DSCAML1: variants seen among roughly 807,000 people sequenced by gnomAD.
DSCAML1 encodes the protein DS cell adhesion molecule like 1, also known as cell adhesion molecule DSCAML1.
Under a neutral mutation model 200.5 loss-of-function variants are expected in DSCAML1, and 38 were observed. That is an observed-to-expected ratio of 0.19 (90% CI 0.15 to 0.25). The LOEUF (loss-of-function observed/expected upper bound fraction) is 0.25. Among genes scored for constraint, DSCAML1 ranks in the 10% least tolerant of loss-of-function variants. The pLI, the probability that DSCAML1 is intolerant of heterozygous loss-of-function variation, is 1.00. For synonymous variants in DSCAML1, 1,215 were observed against 1,165.0 expected (o/e 1.04, Z -0.87); for missense variants, 2,223 against 2,858.8 (o/e 0.78, Z 5.07).
At chr11:117,431,499 A>T in intron 31 of DSCAML1, 35 bp downstream of exon 31, 2 of 1,496,126 alleles carry the variant, frequency 1.3e-6, no homozygotes, top group Non-Finnish European at 1.8e-6. Flanking sequence ...AACTGGGGGG[A>T]GGTGTTCAGG....
chr11:117,553,606 AT>A (rs1346296258), intron 3 of DSCAML1, among the ~76,000 whole-genome samples: 1 of 152,260 alleles, frequency 6.6e-6, no homozygotes, highest in Non-Finnish European at 1.5e-5. Context: ...GATAGCTATT[AT>A]TAAAAAACAA....
intron 3 of DSCAML1, among the ~76,000 whole-genome samples, chr11:117,548,776 T>C (rs1360753294): frequency 1.3e-5 from 2 of 152,168 alleles, no homozygotes; most frequent in Non-Finnish European, 2.9e-5. Flanking sequence ...CTGTGTGACC[T>C]GGATGCAAGT....
At chr11:117,478,991 A>G (rs566162778) in intron 14 of DSCAML1, among the ~76,000 whole-genome samples, 1 of 152,380 alleles carries the variant, frequency 6.6e-6, no homozygotes, top group African/African-American at 2.4e-5. Context: ...ATGTGTATCA[A>G]AGATGACTGA....
At chr11:117,605,490 C>T (rs2051546535) in intron 3 of DSCAML1, among the ~76,000 whole-genome samples, 1 of 152,194 alleles carries the variant, frequency 6.6e-6, no homozygotes, top group South Asian at 2.1e-4. Context: ...ATGGAAAGCG[C>T]TTAAGTGGAG....
intron 3 of DSCAML1, among the ~76,000 whole-genome samples, chr11:117,613,882 C>T (rs2051751983): frequency 1.3e-5 from 2 of 152,148 alleles, no homozygotes. Flanking sequence ...CTCCCAGCCA[C>T]CCCTCCCCTT....
intron 3 of DSCAML1, among the ~76,000 whole-genome samples, chr11:117,649,674 G>C (rs979961104): frequency 5.3e-5 from 8 of 152,266 alleles, no homozygotes; most frequent in African/African-American, 1.9e-4. Flanking sequence ...TTTATTGTAA[G>C]AGTTATTGTC....
chr11:117,540,933 T>G (rs2050257478), intron 3 of DSCAML1, among the ~76,000 whole-genome samples: 1 of 152,202 alleles, frequency 6.6e-6, no homozygotes, highest in South Asian at 2.1e-4. Flanking sequence ...GAAGAAACCC[T>G]TGGCTGAGAT....
At chr11:117,774,794 C>T (rs1026668098) in intron 3 of DSCAML1, among the ~76,000 whole-genome samples, 2 of 152,156 alleles carry the variant, frequency 1.3e-5, no homozygotes, top group African/African-American at 4.8e-5. Flanking sequence ...ACTCTGGTTC[C>T]AGCCCCACCC....
chr11:117,535,533 C>T (rs2050152731), intron 3 of DSCAML1, among the ~76,000 whole-genome samples: 4 of 152,200 alleles, frequency 2.6e-5, no homozygotes, highest in Admixed American at 2.6e-4. Flanking sequence ...TGGAGGGCGC[C>T]AAGCCCTGCA....
At chr11:117,458,188 G>A (rs977869965) in intron 19 of DSCAML1, among the ~76,000 whole-genome samples, 4 of 152,102 alleles carry the variant, frequency 2.6e-5, no homozygotes, top group Non-Finnish European at 5.9e-5. Flanking sequence ...TGCCCTTACC[G>A]TGTCACTCTG....
intron 3 of DSCAML1, among the ~76,000 whole-genome samples, chr11:117,767,659 G>A (rs1319971145): frequency 6.6e-6 from 1 of 152,170 alleles, no homozygotes; most frequent in African/African-American, 2.4e-5. Flanking sequence ...TGACTGCCTT[G>A]ATGAGGGAAA....
Position 117,505,407 on chromosome 11 carries a change from G to A in DSCAML1, c.2062+47C>T, listed in dbSNP as rs1168577622. The stretch of plus-strand genomic sequence containing the variant: ...AATCTAGAGACTGCAGTAGCAGCAG[G>A]CAGAATGGGCTCCTCCCTCCCCTGA... On this transcript the variant is annotated intron_variant, in intron 9 of 32. Coordinates refer to ENST00000651296, the MANE Select transcript of DSCAML1 (RefSeq NM_020693.4). This position sits in a 1 kb window ranked among gnomAD's most constrained non-coding sequence, Gnocchi z 6.7. 5.0e-6 allele frequency: 8 copies of A among 1,586,736 alleles called. No homozygotes were observed. Among genetic ancestry groups the A allele is most frequent in the Non-Finnish European group, 6.8e-6 (8 of 1,169,418 alleles).
intron 14 of DSCAML1, among the ~76,000 whole-genome samples, chr11:117,474,850 G>A (rs2048756718): frequency 6.6e-6 from 1 of 151,834 alleles, no homozygotes; most frequent in African/African-American, 2.4e-5. Flanking sequence ...CGCCTCCCGG[G>A]TTCGTGCCAT....
rs5013263 is a variant in DSCAML1, at chr11:117,794,043, C to T, written c.46+2991G>A. On this transcript the variant is annotated intron_variant, in intron 1 of 32. Coordinates refer to ENST00000651296, the MANE Select transcript of DSCAML1 (RefSeq NM_020693.4). ...CACATTTCCCCATTGCCCCCCCCCC[C>T]TTTTTTTAATTAGACACTGAACAGA... 1.9e-4 allele frequency among the ~76,000 whole-genome samples: 21 copies of T among 109,536 alleles called. No homozygotes were observed. In the East Asian group the frequency reaches 2.4e-3, roughly 13 times the overall value. 71.9% of individuals were successfully genotyped at this position (109,536 alleles called of 152,430 possible).
intron 32 of DSCAML1, among the ~76,000 whole-genome samples, chr11:117,429,039 C>T (rs1187157533): frequency 2.6e-5 from 4 of 152,098 alleles, no homozygotes; most frequent in East Asian, 1.9e-4. Context: ...TTGTGAGGAG[C>T]GAATGAGGTG....
At chr11:117,695,448 G>A (rs148081890) in intron 3 of DSCAML1, among the ~76,000 whole-genome samples, 226 of 151,760 alleles carry the variant, frequency 1.5e-3, no homozygotes, top group African/African-American at 5.3e-3. Flanking sequence ...CCAGTGTTCC[G>A]GGGGTGGTTA....
intron 3 of DSCAML1, among the ~76,000 whole-genome samples, chr11:117,567,676 G>T (rs1267301943): frequency 6.6e-6 from 1 of 152,212 alleles, no homozygotes; most frequent in East Asian, 1.9e-4. Flanking sequence ...AAACCAGGAA[G>T]AAGCTGAATC....
At chr11:117,711,019 G>A (rs192519123) in intron 3 of DSCAML1, among the ~76,000 whole-genome samples, 4 of 152,314 alleles carry the variant, frequency 2.6e-5, no homozygotes, top group Admixed American at 2.0e-4. Context: ...TCTTGGAGAA[G>A]CAGTGCCAGT....
chr11:117,583,951 T>A (rs2051092002), intron 3 of DSCAML1, among the ~76,000 whole-genome samples: 1 of 152,198 alleles, frequency 6.6e-6, no homozygotes, highest in Non-Finnish European at 1.5e-5. Context: ...CTCTGACATT[T>A]GGAGTTGTGG....
Sources: allele counts gnomAD v4.1 joint callset (sites outside exome capture counted in the v4.1 genomes callset), GRCh38; gene constraint gnomAD v4.1.1; non-coding constraint Gnocchi (gnomAD v3.1); transcripts MANE v1.5; gene names NCBI Gene and HGNC (gene_info 2026-07-23, HGNC 2026-07-21).